PCNT: variants seen among roughly 807,000 people sequenced by gnomAD.
PCNT encodes pericentrin, also known as kendrin.
Under a neutral mutation model 380.4 loss-of-function variants are expected in PCNT, and 319 were observed. The ratio of observed to expected loss-of-function variants is 0.84; its 90% CI spans 0.77 to 0.92. PCNT has a LOEUF of 0.92. Among genes scored for constraint, PCNT ranks in the 40% least tolerant of loss-of-function variants. The pLI is 0.00. For synonymous variants in PCNT, 1,845 were observed against 1,735.2 expected (o/e 1.06, Z -1.57); for missense variants, 4,400 against 4,255.3 (o/e 1.03, Z -0.95).
At chr21:46,444,668 C>G (rs745650479) in intron 45 of PCNT, 26 bp from the exon 46 acceptor site, 11 of 1,355,510 alleles carry the variant, frequency 8.1e-6, no homozygotes, top group South Asian at 1.3e-5. Flanking sequence ...TTTTTTTCTT[C>G]TCTTGGTGTG....
chr21:46,423,672 C>T (rs985313805), intron 32 of PCNT, among the ~76,000 whole-genome samples: 3 of 91,716 alleles, frequency 3.3e-5, no homozygotes, highest in Non-Finnish European at 6.5e-5. Context: ...TCCTGTAGCC[C>T]TTGAGGCAGC....
chr21:46,347,450 C>T lies in PCNT; in HGVS notation c.977-7C>T, dbSNP rs1054165969. ...GTGGCCTGAGCTGCTTTTTGTTTTT[C>T]TTGCAGCTGAGCTGAAGGAGAAGTT... On this transcript the variant is annotated splice_polypyrimidine_tract_variant and splice_region_variant and intron_variant, in intron 5 of 46. Transcript: ENST00000359568. The T allele has an allele frequency of 6.2e-7, 1 of 1,613,274 alleles. No homozygotes were observed. Among genetic ancestry groups the T allele is most frequent in the Non-Finnish European group, 8.5e-7 (1 of 1,179,708 alleles).
chr21:46,338,027 C>G (rs982633441), intron 3 of PCNT, among the ~76,000 whole-genome samples: 4 of 152,196 alleles, frequency 2.6e-5, no homozygotes, highest in African/African-American at 9.7e-5. Flanking sequence ...GCACGTTCCA[C>G]CACACCTGGC....
Position 46,352,119 on chromosome 21 carries a change from C to CCGG in PCNT, c.1456+582_1456+584dup, listed in dbSNP as rs1008749580. Among the ~76,000 whole-genome samples, 128 of 152,360 alleles carry CCGG rather than the reference C, an allele frequency of 8.4e-4. 1 individual carries two copies. Among genetic ancestry groups the CCGG allele is most frequent in the African/African-American group, 3.0e-3 (124 of 41,584 alleles). The stretch of plus-strand genomic sequence containing the variant: ...GGGCTGGCCAAGCCCAATTCAGGCA[C>CCGG]CGGCGCCCAGGTCCACAGGACAGGA... On this transcript the variant is annotated intron_variant, in intron 9 of 46. Coordinates refer to ENST00000359568, the MANE Select transcript of PCNT (RefSeq NM_006031.6).
chr21:46,387,086 A>G (rs535525848), intron 17 of PCNT, among the ~76,000 whole-genome samples: 1 of 152,196 alleles, frequency 6.6e-6, no homozygotes, highest in Admixed American at 6.5e-5. Flanking sequence ...TGTGTCCTGA[A>G]GCTCTGAACT....
At chr21:46,391,004 G>A (rs1221784506) in intron 20 of PCNT, among the ~76,000 whole-genome samples, 160 bp from the exon 21 acceptor site, 1 of 152,184 alleles carries the variant, frequency 6.6e-6, no homozygotes, top group East Asian at 1.9e-4. Context: ...GAGCTGCTGC[G>A]GCCAGCAGGG....
chr21:46,416,954 G>A (rs1269544228), intron 30 of PCNT, 115 bp downstream of exon 30: 18 of 1,003,114 alleles, frequency 1.8e-5, no homozygotes, highest in Non-Finnish European at 2.6e-5. Flanking sequence ...TCGCAGTGCT[G>A]TGTGGGGCCA....
chr21:46,324,898 C>T (rs117743316), intron 1 of PCNT: 58,424 of 985,454 alleles, frequency 0.059, 1,890 homozygotes, highest in Non-Finnish European at 0.065. Flanking sequence ...GCGTTGCAGT[C>T]CTTACTGTGT....
chr21:46,331,952 G>C (rs1156498328), intron 2 of PCNT, among the ~76,000 whole-genome samples: 11 of 152,170 alleles, frequency 7.2e-5, no homozygotes, highest in Non-Finnish European at 1.5e-5. Context: ...CTGAGGTCAG[G>C]AGTTCGAGAC....
In PCNT at chr21:46,388,209, C is replaced by CAA. The variant is rs1222789518; in HGVS notation, c.3465-521_3465-520dup. Among the ~76,000 whole-genome samples the CAA allele has an allele frequency of 7.3e-6, 1 of 136,430 alleles. No individual in the cohort carries two copies. Among genetic ancestry groups the CAA allele is most frequent in the African/African-American group, 2.7e-5 (1 of 37,156 alleles). The allele number at this position is 136,430 out of a possible 152,430, so 89.5% of individuals were successfully genotyped here. On this transcript the variant is annotated intron_variant, in intron 17 of 46. Transcript: ENST00000359568. The surrounding 1 kb of genome is among the most constrained non-coding windows in gnomAD (Gnocchi z 4.2). ...TGGGCGACAGAGCGAGACTCCATCT[C>CAA]AAAAAAAAAAAAAGACAGAAGCATC... is the stretch of plus-strand genomic sequence containing the variant.
chr21:46,356,212 G>A lies in PCNT; in HGVS notation c.1936+586G>A, dbSNP rs1050072430. Among the ~76,000 whole-genome samples, 22 of 152,184 alleles carry A rather than the reference G, an allele frequency of 1.4e-4. 1 individual carries two copies. Among genetic ancestry groups the A allele is most frequent in the Non-Finnish European group, 2.8e-4 (19 of 68,010 alleles). On this transcript the variant is annotated intron_variant, in intron 12 of 46. Transcript: ENST00000359568. Reference sequence around the variant, plus strand: ...GGACTGTGCTGATGGTGGGGCTGCCGTCCATGGTGGGGGTGAGGGGCTGAG... The same window carrying A: ...GGACTGTGCTGATGGTGGGGCTGCCATCCATGGTGGGGGTGAGGGGCTGAG...
chr21:46,434,019 TC>T (rs2087869649), intron 38 of PCNT, among the ~76,000 whole-genome samples: 1 of 152,184 alleles, frequency 6.6e-6, no homozygotes, highest in Non-Finnish European at 1.5e-5. Flanking sequence ...TTGTGATTGA[TC>T]CGCCCACCTT....
Position 46,436,107 on chromosome 21 carries a change from C to T in PCNT, c.8955C>T (p.Ala2985=), listed in dbSNP as rs368445228. The T allele has an allele frequency of 4.2e-5, 68 of 1,610,472 alleles. No individual in the cohort carries two copies. Among genetic ancestry groups the T allele is most frequent in the Non-Finnish European group, 5.0e-5 (59 of 1,179,838 alleles). The change falls in exon 39 of 47, where the codon GCC becomes GCT. Residue 2985 remains alanine, a synonymous_variant. Coordinates refer to ENST00000359568, the MANE Select transcript of PCNT (RefSeq NM_006031.6). ...CGATGAGGCAGCGGCTGCTCTCTGC[C>T]GCCCGGCTTCTCACCAGCTTCACCA... The part of the protein sequence containing the change: ...LEAMRQRLLS[A]ARLLTSFTSQ...
rs1330135502 is a variant in PCNT, at chr21:46,389,234, C to T, written c.3643C>T (p.Leu1215Phe). 7 of 1,614,210 alleles carry T rather than the reference C, an allele frequency of 4.3e-6. No individual in the cohort carries two copies. In the South Asian group the frequency reaches 4.4e-5, roughly 10 times the overall value. The stretch of plus-strand genomic sequence containing the variant: ...GGAGGAGACATGGTCTGATGTGGCC[C>T]TCCCGGAGTTGGACAGAACTTTGTC... The part of the protein sequence containing the change: ...ALEETWSDVA[L>F]PELDRTLSEC... Residue 1215 changes from leucine (L) to phenylalanine (F), a missense_variant, in exon 19 of 47, where the codon CTC becomes TTC. Coordinates refer to ENST00000359568, the MANE Select transcript of PCNT (RefSeq NM_006031.6).
chr21:46,369,205 CAT>C (rs2085033153), intron 15 of PCNT, among the ~76,000 whole-genome samples: 1 of 152,212 alleles, frequency 6.6e-6, no homozygotes, highest in Non-Finnish European at 1.5e-5. Context: ...GTCTTCACCA[CAT>C]GTCAGGGAGT....
At position 46,391,062 on chromosome 21, in the gene PCNT, C is replaced by T; in HGVS notation, c.4004-102C>T. ...TCCTGGAAGCTGCTGGCTCTTAGCTCTGCTGCTCTCAGGGGCAGTGGCCCC... is the reference window on the plus strand; with the variant it reads ...TCCTGGAAGCTGCTGGCTCTTAGCTTTGCTGCTCTCAGGGGCAGTGGCCCC... On this transcript the variant is annotated intron_variant, in intron 20 of 46. Transcript: ENST00000359568. 4 of 1,253,646 alleles carry T rather than the reference C, an allele frequency of 3.2e-6. No individual in the cohort carries two copies. In the Middle Eastern group the frequency reaches 5.7e-4, roughly 178 times the overall value. 77.7% of individuals were successfully genotyped at this position (1,253,646 alleles called of 1,614,324 possible). A position where few individuals can be genotyped will look rare whatever the true frequency, so the allele number is the denominator to read the frequency against.
At chr21:46,408,883 A>C (rs919537262) in intron 27 of PCNT, among the ~76,000 whole-genome samples, 3 of 151,470 alleles carry the variant, frequency 2.0e-5, no homozygotes, top group African/African-American at 7.3e-5. Flanking sequence ...CACCACACCC[A>C]GCTAATTTTT....
At chr21:46,338,281 C>T (rs1344521335) in intron 3 of PCNT, among the ~76,000 whole-genome samples, 1 of 152,170 alleles carries the variant, frequency 6.6e-6, no homozygotes, top group Admixed American at 6.5e-5. Flanking sequence ...CCCAAGAGGG[C>T]CCGTGTCCTC....
In PCNT at chr21:46,347,004, G is replaced by A. The variant is rs2084093743; in HGVS notation, c.976+6G>A. On this transcript the variant is annotated splice_donor_region_variant and intron_variant, in intron 5 of 46. Transcript: ENST00000359568. ...CAGGTGTGGACAGGAAGCAGGTACT[G>A]CATGGCTAGGCGGGCACGGGCAGCG... 4 of 1,592,164 alleles carry A rather than the reference G, an allele frequency of 2.5e-6. No homozygotes were observed. The highest frequency in any genetic ancestry group is 1.8e-5 in the Admixed American group (1 of 55,194).
Sources: gnomAD v4.1 joint callset for allele counts (sites outside exome capture counted in the v4.1 genomes callset) on GRCh38, gnomAD v4.1.1 for gene constraint, Gnocchi (gnomAD v3.1) non-coding constraint, MANE v1.5 for transcripts, NCBI Gene and HGNC (gene_info 2026-07-23, HGNC 2026-07-21) for gene names.